Variants in NTM observed in about 807,000 individuals in gnomAD.
NTM encodes IgLON family member 2.
A neutral mutation model predicts 42.1 loss-of-function variants in NTM; 13 were observed. The observed-to-expected ratio is 0.31, with a 90% CI of 0.20 to 0.49. The LOEUF (loss-of-function observed/expected upper bound fraction) is 0.49, where lower values mean the gene tolerates loss of function less well. Among genes scored for constraint, NTM ranks in the 20% least tolerant of loss-of-function variants. NTM has a pLI of 0.99. For synonymous variants in NTM, 187 were observed against 179.2 expected (o/e 1.04, Z -0.35); for missense variants, 373 against 452.8 (o/e 0.82, Z 1.60).
At chr11:131,461,396 G>T (rs1263172685) in intron 1 of NTM, among the ~76,000 whole-genome samples, 1 of 152,146 alleles carries the variant, frequency 6.6e-6, no homozygotes, top group Non-Finnish European at 1.5e-5. Context: ...TAACAATTTT[G>T]AGTTGGTGAA....
At chr11:132,225,524 G>A (rs980824769) in intron 4 of NTM, among the ~76,000 whole-genome samples, 1 of 152,126 alleles carries the variant, frequency 6.6e-6, no homozygotes, top group Middle Eastern at 3.2e-3. Context: ...ATGAAGAACA[G>A]CAAGAATTCT....
intron 2 of NTM, among the ~76,000 whole-genome samples, chr11:132,049,536 G>A (rs1404879560): frequency 3.9e-5 from 6 of 152,212 alleles, no homozygotes; most frequent in Non-Finnish European, 7.3e-5. Flanking sequence ...TGGCTCTGGG[G>A]TCTCTTGCAG....
intron 1 of NTM, among the ~76,000 whole-genome samples, chr11:131,538,868 A>G (rs1482269447): frequency 1.3e-5 from 2 of 150,100 alleles, no homozygotes; most frequent in Non-Finnish European, 3.0e-5. Context: ...GTAAATTTCA[A>G]ATGTTCTCAC....
At chr11:131,911,201 C>T in intron 1 of NTM, 1 of 1,376,322 alleles carries the variant, frequency 7.3e-7, no homozygotes, top group Non-Finnish European at 9.4e-7. Flanking sequence ...GCTTCCCCCT[C>T]CTCGGCCACC....
At chr11:131,684,024 A>G (rs1374354231) in intron 1 of NTM, among the ~76,000 whole-genome samples, 1 of 152,196 alleles carries the variant, frequency 6.6e-6, no homozygotes, top group East Asian at 1.9e-4. Flanking sequence ...GTTGGGTTCT[A>G]ATTCTAACTC....
chr11:131,817,606 G>A (rs1421788560), intron 1 of NTM, among the ~76,000 whole-genome samples: 2 of 152,160 alleles, frequency 1.3e-5, no homozygotes, highest in African/African-American at 4.8e-5. Flanking sequence ...GAACATTCAA[G>A]GAATACTCAG....
chr11:131,817,681 C>T (rs150672447), intron 1 of NTM, among the ~76,000 whole-genome samples: 542 of 152,338 alleles, frequency 3.6e-3, no homozygotes, highest in African/African-American at 0.012. Context: ...TCTGAGCTTC[C>T]ATGAGGATGG....
intron 3 of NTM, among the ~76,000 whole-genome samples, chr11:132,159,489 A>G (rs1279112845): frequency 6.6e-6 from 1 of 152,216 alleles, no homozygotes; most frequent in East Asian, 1.9e-4. Flanking sequence ...TGGACCTGAA[A>G]TCATGTCACC....
intron 1 of NTM, among the ~76,000 whole-genome samples, chr11:131,552,131 A>G (rs977932347): frequency 1.3e-5 from 2 of 152,174 alleles, no homozygotes; most frequent in African/African-American, 4.8e-5. Context: ...ATGAGGAAGG[A>G]AAGAAGGAAA....
Position 132,087,126 on chromosome 11 carries a change from C to A in NTM, c.168-59156C>A, listed in dbSNP as rs565307805. Among the ~76,000 whole-genome samples the A allele has an allele frequency of 3.3e-5, 5 of 152,168 alleles. No individual in the cohort carries two copies. In the South Asian group the frequency reaches 8.3e-4, roughly 25 times the overall value. ...ATATGTGAGGGAGAAAAGAAAAAAA[C>A]GTCCTTTTTCCTTCTTCTGTCCTTA... On this transcript the variant is annotated intron_variant, in intron 2 of 8. Transcript: ENST00000683400.
At chr11:131,510,378 A>C (rs1264182177) in intron 1 of NTM, among the ~76,000 whole-genome samples, 1 of 152,030 alleles carries the variant, frequency 6.6e-6, no homozygotes, top group Non-Finnish European at 1.5e-5. Flanking sequence ...CCAGTAAAGT[A>C]CCTCTGTCTG....
At chr11:132,267,403 C>T (rs1197430686) in intron 4 of NTM, among the ~76,000 whole-genome samples, 6 of 152,074 alleles carry the variant, frequency 3.9e-5, no homozygotes, top group Admixed American at 3.9e-4. Flanking sequence ...ACGTATCTCC[C>T]TCCCTCACAC....
intron 2 of NTM, among the ~76,000 whole-genome samples, chr11:132,139,595 T>C (rs2068679842): frequency 6.6e-6 from 1 of 152,186 alleles, no homozygotes; most frequent in South Asian, 2.1e-4. Flanking sequence ...AGCAAAGGCT[T>C]CTTGATTTAT....
intron 1 of NTM, among the ~76,000 whole-genome samples, chr11:131,895,929 G>C (rs11222831): frequency 6.6e-6 from 1 of 152,060 alleles, no homozygotes; most frequent in Non-Finnish European, 1.5e-5. Context: ...CAAGAAGAAC[G>C]TCTAGTCCAG....
chr11:132,069,464 G>A (rs2057085033), intron 2 of NTM, among the ~76,000 whole-genome samples: 1 of 121,666 alleles, frequency 8.2e-6, no homozygotes, highest in Non-Finnish European at 1.7e-5. Flanking sequence ...ACGTCAAACT[G>A]ACCGTCACAG....
intron 1 of NTM, among the ~76,000 whole-genome samples, chr11:131,567,417 G>C (rs1263470976): frequency 6.6e-6 from 1 of 152,104 alleles, no homozygotes; most frequent in Non-Finnish European, 1.5e-5. Flanking sequence ...AACCTGGGAG[G>C]CAGAGTTTGG....
At chr11:131,593,255 T>C (rs2059539393) in intron 1 of NTM, among the ~76,000 whole-genome samples, 1 of 152,168 alleles carries the variant, frequency 6.6e-6, no homozygotes, top group Admixed American at 6.5e-5. Context: ...GTCTCCTCTT[T>C]CAGTTTGGAT....
At chr11:131,756,696 A>AC (rs2083387254) in intron 1 of NTM, among the ~76,000 whole-genome samples, 1 of 149,056 alleles carries the variant, frequency 6.7e-6, no homozygotes, top group Non-Finnish European at 1.5e-5. Context: ...TGTCTCACAC[A>AC]CAAAAAATTG....
chr11:131,422,972 T>C (rs1198238821), intron 1 of NTM, among the ~76,000 whole-genome samples: 2 of 152,244 alleles, frequency 1.3e-5, no homozygotes, highest in Non-Finnish European at 2.9e-5. Flanking sequence ...GATCTACTTT[T>C]GCTGAGCATT....
Sources: gnomAD v4.1 joint callset for allele counts (sites outside exome capture counted in the v4.1 genomes callset) on GRCh38, gnomAD v4.1.1 for gene constraint, MANE v1.5 for transcripts, NCBI Gene and HGNC (gene_info 2026-07-23, HGNC 2026-07-21) for gene names.